The following KHDRBS2 variants were observed in gnomAD, a reference collection of about 807,000 sequenced individuals.
KHDRBS2 encodes the protein KH domain-containing, RNA-binding, signal transduction-associated protein 2.
Under a neutral mutation model 44.3 loss-of-function variants are expected in KHDRBS2, and 26 were observed. The observed-to-expected ratio is 0.59, with a 90% CI of 0.43 to 0.81. The LOEUF is 0.81. KHDRBS2 is among the 40% of genes least tolerant of loss of function. KHDRBS2 has a pLI of 0.00. For synonymous variants in KHDRBS2, 194 were observed against 151.1 expected (o/e 1.28, Z -2.08); for missense variants, 476 against 433.1 (o/e 1.10, Z -0.88).
intron 2 of KHDRBS2, among the ~76,000 whole-genome samples, chr6:62,071,061 G>A (rs1794941716): frequency 6.6e-6 from 1 of 152,124 alleles, no homozygotes; most frequent in Admixed American, 6.6e-5. Context: ...TCTCATTGTG[G>A]TTTTGATTTG....
intron 6 of KHDRBS2, among the ~76,000 whole-genome samples, chr6:61,893,314 G>C (rs996494818): frequency 6.6e-6 from 1 of 152,176 alleles, no homozygotes; most frequent in African/African-American, 2.4e-5. Flanking sequence ...CTGTAAACTA[G>C]TTCAACCATT....
rs557714962 is a variant in KHDRBS2, at chr6:61,690,523, AT to A, written c.952+6671del. 1.1e-4 allele frequency among the ~76,000 whole-genome samples: 16 copies of A among 152,126 alleles called. No homozygotes were observed. In the South Asian group the frequency reaches 3.3e-3, roughly 32 times the overall value. ...AGTTGTTAAACACATGTGGACTATA[AT>A]TTTTTGTTGACTCTACCTGTTGGGT... On this transcript the variant is annotated intron_variant, in intron 8 of 8. Coordinates refer to ENST00000281156, the MANE Select transcript of KHDRBS2 (RefSeq NM_152688.4).
chr6:62,194,801 C>G (rs1014477059), intron 1 of KHDRBS2, among the ~76,000 whole-genome samples: 1 of 151,748 alleles, frequency 6.6e-6, no homozygotes, highest in Non-Finnish European at 1.5e-5. Flanking sequence ...GTCACTGCAC[C>G]CGGCCTACAA....
intron 2 of KHDRBS2, among the ~76,000 whole-genome samples, chr6:62,059,339 TG>T (rs1791148799): frequency 6.7e-6 from 1 of 149,824 alleles, no homozygotes; most frequent in South Asian, 2.1e-4. Context: ...GCAGATGTAG[TG>T]GAGCAGGAAA....
chr6:61,680,786 G>T lies in KHDRBS2; in HGVS notation c.*177C>A. 1 of 474,818 alleles carries T rather than the reference G, an allele frequency of 2.1e-6. No homozygotes were observed. Among genetic ancestry groups the T allele is most frequent in the East Asian group, 3.3e-5 (1 of 30,334 alleles). The allele number at this position is 474,818 out of a possible 1,614,324, so 29.4% of individuals were successfully genotyped here. A position where few individuals can be genotyped will look rare whatever the true frequency, so the allele number is the denominator to read the frequency against. ...TTTGTAAAATAATACTAGTGTCAAT[G>T]TCACGCCAACAGTACAGAGGGAAAT... is the stretch of plus-strand genomic sequence containing the variant. On this transcript the variant is annotated 3_prime_UTR_variant, in exon 9 of 9. Coordinates refer to ENST00000281156, the MANE Select transcript of KHDRBS2 (RefSeq NM_152688.4).
chr6:62,262,926 T>C (rs1314068598), intron 1 of KHDRBS2, among the ~76,000 whole-genome samples: 1 of 151,766 alleles, frequency 6.6e-6, no homozygotes, highest in Non-Finnish European at 1.5e-5. Flanking sequence ...CAAATACATG[T>C]AAAACTGATA....
the KHDRBS2 span, among the ~76,000 whole-genome samples, chr6:61,615,012 T>A: frequency 3.3e-5 from 5 of 151,504 alleles, no homozygotes; most frequent in African/African-American, 1.2e-4. Context: ...GGTGGGTGGA[T>A]CATCTGAGGT....
intron 1 of KHDRBS2, among the ~76,000 whole-genome samples, chr6:62,278,505 G>A (rs144995741): frequency 7.4e-4 from 113 of 152,040 alleles, no homozygotes; most frequent in African/African-American, 2.5e-3. Flanking sequence ...AATTTATCGT[G>A]GTCATGCTCA....
chr6:62,054,357 A>T (rs2127317442), intron 2 of KHDRBS2, among the ~76,000 whole-genome samples: 1 of 152,204 alleles, frequency 6.6e-6, no homozygotes, highest in Non-Finnish European at 1.5e-5. Flanking sequence ...GGAATCCAGA[A>T]TCCATTAACA....
chr6:61,677,735 T>C (rs1034920572), downstream of KHDRBS2, among the ~76,000 whole-genome samples: 3 of 151,902 alleles, frequency 2.0e-5, no homozygotes, highest in African/African-American at 7.2e-5. Context: ...CTTTGCCTTT[T>C]CTCTGTGTAC....
intron 1 of KHDRBS2, among the ~76,000 whole-genome samples, chr6:62,211,016 T>C (rs1828956271): frequency 1.3e-5 from 2 of 152,136 alleles, no homozygotes; most frequent in African/African-American, 4.8e-5. Context: ...TTCCTAAATA[T>C]ACATATGTTC....
intron 6 of KHDRBS2, among the ~76,000 whole-genome samples, chr6:61,784,981 T>C (rs1191677529): frequency 6.6e-6 from 1 of 152,032 alleles, no homozygotes; most frequent in Non-Finnish European, 1.5e-5. Flanking sequence ...AAACTCTGTC[T>C]CTACAAAAAA....
the KHDRBS2 span, among the ~76,000 whole-genome samples, chr6:61,621,522 A>G: frequency 6.6e-6 from 1 of 152,190 alleles, no homozygotes; most frequent in Non-Finnish European, 1.5e-5. Context: ...CTCAATTAAG[A>G]GCTCCGGAGA....
intron 4 of KHDRBS2, among the ~76,000 whole-genome samples, chr6:61,908,473 A>C (rs1805439458): frequency 6.6e-6 from 1 of 151,970 alleles, no homozygotes; most frequent in Non-Finnish European, 1.5e-5. Flanking sequence ...TCTCTACTAA[A>C]AATACAAAAA....
At chr6:62,043,812 CAT>C (rs2127301507) in intron 3 of KHDRBS2, among the ~76,000 whole-genome samples, 2 of 152,074 alleles carry the variant, frequency 1.3e-5, no homozygotes, top group East Asian at 3.9e-4. Context: ...GATCTGGAAA[CAT>C]ATCTTAATAC....
intron 1 of KHDRBS2, among the ~76,000 whole-genome samples, chr6:62,266,413 G>A (rs575564815): frequency 3.3e-5 from 5 of 151,952 alleles, no homozygotes; most frequent in Non-Finnish European, 5.9e-5. Flanking sequence ...TCAATCTAAG[G>A]CTGATGAAAT....
intron 6 of KHDRBS2, among the ~76,000 whole-genome samples, chr6:61,805,656 T>C (rs1787033854): frequency 6.6e-6 from 1 of 152,108 alleles, no homozygotes; most frequent in African/African-American, 2.4e-5. Flanking sequence ...ATCATGGCAG[T>C]AGGCACCTCT....
intron 4 of KHDRBS2, among the ~76,000 whole-genome samples, chr6:61,955,450 GTATA>G (rs1385924509): frequency 6.7e-5 from 4 of 59,594 alleles, no homozygotes; most frequent in African/African-American, 2.2e-4. Context: ...ATACATATGT[GTATA>G]TATACATATG....
At chr6:61,594,003 G>T in the KHDRBS2 span, among the ~76,000 whole-genome samples, 8 of 151,938 alleles carry the variant, frequency 5.3e-5, no homozygotes, top group Non-Finnish European at 1.0e-4. Flanking sequence ...CTCCAATTGT[G>T]ACTTGTAATA....
Sources: gnomAD v4.1 joint callset for allele counts (sites outside exome capture counted in the v4.1 genomes callset) on GRCh38, gnomAD v4.1.1 for gene constraint, MANE v1.5 for transcripts, NCBI Gene and HGNC (gene_info 2026-07-23, HGNC 2026-07-21) for gene names.